Variants in PPL observed in about 807,000 individuals in gnomAD.
The protein encoded by PPL is periplakin.
In PPL, 198 loss-of-function variants were observed where a neutral mutation model predicts 194.4. That is an observed-to-expected ratio of 1.02 (90% CI 0.91 to 1.15). PPL has a LOEUF of 1.15. Ranked by LOEUF, PPL falls within the 50% of genes most tolerant of loss-of-function variation. The probability of loss-of-function intolerance (pLI) is 0.00; values close to 1 mark genes in which losing one functional copy is unlikely to be tolerated. For missense variants in PPL, 2,885 were observed against 2,294.8 expected (o/e 1.26, Z -5.25); for synonymous variants, 1,220 against 972.4 (o/e 1.25, Z -4.74).
intron 2 of PPL, among the ~76,000 whole-genome samples, chr16:4,905,988 G>A (rs975078031): frequency 6.6e-6 from 1 of 152,070 alleles, no homozygotes; most frequent in African/African-American, 2.4e-5. Flanking sequence ...TGCACCTATA[G>A]TCCTAGCTAC....
rs370519486 is a variant in PPL at position 4,884,470 on chromosome 16, C to G, written c.4185G>C (p.Arg1395=). 7 of 1,602,682 alleles carry G rather than the reference C, an allele frequency of 4.4e-6. No homozygotes were observed. The African/African-American group carries it at 9.4e-5, about 22-fold the overall frequency. The change falls in exon 22 of 22, where the codon CGG becomes CGC. Residue 1395 remains arginine, a synonymous_variant. Transcript: ENST00000345988. The surrounding 1 kb of genome is among the most constrained non-coding windows in gnomAD (Gnocchi z 5.7). ...CCAGCTGCCGCTCAAGCTCGGTGCG[C>G]CGGCGCTGCAGCCGCCGCAGCTCTG... ...LRAELRRLQR[R]RTELERQLEE...
intron 2 of PPL, among the ~76,000 whole-genome samples, chr16:4,909,185 A>T (rs2088768084): frequency 6.6e-6 from 1 of 152,170 alleles, no homozygotes; most frequent in South Asian, 2.1e-4. Flanking sequence ...GGCAGAGAAC[A>T]GAGTCTCCAC....
chr16:4,889,211 A>G (rs2088269361), intron 18 of PPL, 150 bp from the exon 19 acceptor site: 3 of 381,244 alleles, frequency 7.9e-6, no homozygotes, highest in Non-Finnish European at 1.3e-5. Context: ...ATTTTTATTC[A>G]TTGCAAAAGG....
Position 4,894,359 on chromosome 16 carries a change from C to T in PPL, c.1394+108G>A, listed in dbSNP as rs966219129. ...GGGTGCAGATGGAGAGTGTCAGCGA[C>T]CCCGCGCTCCCCACAGGCTGAGTCC... On this transcript the variant is annotated intron_variant, in intron 12 of 21. Coordinates refer to ENST00000345988, the MANE Select transcript of PPL (RefSeq NM_002705.5). 2.1e-5 allele frequency: 30 copies of T among 1,411,170 alleles called. No individual in the cohort carries two copies. The African/African-American group carries it at 2.8e-4, about 13-fold the overall frequency. 87.4% of individuals were successfully genotyped at this position (1,411,170 alleles called of 1,614,324 possible).
At chr16:4,911,073 C>G (rs1028613532) in intron 1 of PPL, 124 bp from the exon 2 acceptor site, 7 of 717,764 alleles carry the variant, frequency 9.8e-6, no homozygotes, top group Admixed American at 9.5e-5. Flanking sequence ...CCCACAGAGC[C>G]TTTGAGGTAG....
At chr16:4,909,549 C>T (rs1346276744) in intron 2 of PPL, among the ~76,000 whole-genome samples, 1 of 151,882 alleles carries the variant, frequency 6.6e-6, no homozygotes, top group Non-Finnish European at 1.5e-5. Flanking sequence ...GCCTCAGCCT[C>T]CTGAGTAGCT....
Position 4,897,374 on chromosome 16 carries a change from G to A in PPL, c.972+301C>T, listed in dbSNP as rs577391550. 2.0e-4 allele frequency among the ~76,000 whole-genome samples: 29 copies of A among 142,120 alleles called. 1 individual carries two copies. In the South Asian group the frequency reaches 6.3e-3, roughly 31 times the overall value. The allele number at this position is 142,120 out of a possible 152,430, so 93.2% of individuals were successfully genotyped here. On this transcript the variant is annotated intron_variant, in intron 9 of 21. Transcript: ENST00000345988. ...AAAAAAAAGGCAAATTTTGTTTTAT[G>A]TATCTGCATGTATATTATAGATTTT... is the stretch of plus-strand genomic sequence containing the variant.
chr16:4,887,610 A>C (rs887543957), intron 20 of PPL, among the ~76,000 whole-genome samples: 2 of 152,082 alleles, frequency 1.3e-5, no homozygotes, highest in Admixed American at 6.5e-5. Context: ...CATTTTCAAA[A>C]ATTTTTATTT....
intron 2 of PPL, among the ~76,000 whole-genome samples, chr16:4,905,679 G>A (rs1023063552): frequency 5.9e-5 from 9 of 152,214 alleles, no homozygotes; most frequent in Admixed American, 3.3e-4. Flanking sequence ...TGCCTGGTAC[G>A]AAGTAAAGAC....
chr16:4,911,397 A>G (rs2088817727), intron 1 of PPL, among the ~76,000 whole-genome samples: 1 of 151,970 alleles, frequency 6.6e-6, no homozygotes, highest in South Asian at 2.1e-4. Flanking sequence ...CCTGACCTCA[A>G]GTGATCCACC....
intron 1 of PPL, among the ~76,000 whole-genome samples, chr16:4,931,710 C>G (rs2089227871): frequency 6.6e-6 from 1 of 152,228 alleles, no homozygotes; most frequent in Non-Finnish European, 1.5e-5. Flanking sequence ...AAAGCAGCTT[C>G]TCCCCCAGGT....
At chr16:4,897,563 G>T in intron 9 of PPL, 112 bp downstream of exon 9, 1 of 781,280 alleles carries the variant, frequency 1.3e-6, no homozygotes. Context: ...TGGCTGCCCC[G>T]CAAGGCTCCT....
chr16:4,916,896 G>A (rs1033629267), intron 1 of PPL, among the ~76,000 whole-genome samples: 34 of 152,098 alleles, frequency 2.2e-4, no homozygotes, highest in South Asian at 6.2e-4. Context: ...TTGGGAGGCC[G>A]AGGCAGGTGG....
chr16:4,920,659 C>T (rs184475623), intron 1 of PPL, among the ~76,000 whole-genome samples: 286 of 152,250 alleles, frequency 1.9e-3, no homozygotes, highest in Non-Finnish European at 3.0e-3. Flanking sequence ...GACAGGGTTT[C>T]GCCATGTTAG....
intron 1 of PPL, among the ~76,000 whole-genome samples, chr16:4,927,445 A>T (rs1451414304): frequency 1.3e-5 from 2 of 152,248 alleles, no homozygotes; most frequent in Non-Finnish European, 1.5e-5. Context: ...ATGCTGTTCA[A>T]AACTCCTCAG....
Position 4,900,817 on chromosome 16 carries a change from G to C in PPL, c.606+13C>G. 1 of 1,614,038 alleles carries C rather than the reference G, an allele frequency of 6.2e-7. No individual in the cohort carries two copies. Among genetic ancestry groups the C allele is most frequent in the Non-Finnish European group, 8.5e-7 (1 of 1,180,006 alleles). On this transcript the variant is annotated intron_variant, in intron 6 of 21. Coordinates refer to ENST00000345988, the MANE Select transcript of PPL (RefSeq NM_002705.5). ...CTCTCCCCATGAGGCCTTTCCCCCA[G>C]GGAGCTCCTCACCAGCAGTTTCTGG...
At chr16:4,886,187 A>AG (rs2088216944) in intron 21 of PPL, 140 bp from the exon 22 acceptor site, 4 of 1,066,008 alleles carry the variant, frequency 3.8e-6, no homozygotes, top group Non-Finnish European at 5.4e-6. Flanking sequence ...GTAGAGTTCT[A>AG]GGGTTACTTT....
chr16:4,899,885 G>A (rs1371518922), intron 6 of PPL, among the ~76,000 whole-genome samples: 3 of 152,168 alleles, frequency 2.0e-5, no homozygotes, highest in Non-Finnish European at 4.4e-5. Flanking sequence ...TCTGAGAAGC[G>A]GGTGTGCAAG....
At chr16:4,933,932 C>T (rs1596594699) in intron 1 of PPL, among the ~76,000 whole-genome samples, 2 of 152,232 alleles carry the variant, frequency 1.3e-5, no homozygotes, top group South Asian at 4.1e-4. Flanking sequence ...TACCTGCGGC[C>T]GCTTATCATT....
Sources: gnomAD v4.1 joint callset for allele counts (sites outside exome capture counted in the v4.1 genomes callset) on GRCh38, gnomAD v4.1.1 for gene constraint, Gnocchi (gnomAD v3.1) non-coding constraint, MANE v1.5 for transcripts, NCBI Gene and HGNC (gene_info 2026-07-23, HGNC 2026-07-21) for gene names.